MPHOSPH9: variants seen among roughly 807,000 people sequenced by gnomAD.
MPHOSPH9 encodes M-phase phosphoprotein 9.
Under a neutral mutation model 145.5 loss-of-function variants are expected in MPHOSPH9, and 88 were observed. That is an observed-to-expected ratio of 0.60 (90% CI 0.51 to 0.72). MPHOSPH9 has a LOEUF of 0.72. Among genes scored for constraint, MPHOSPH9 ranks in the 30% least tolerant of loss-of-function variants. MPHOSPH9 has a pLI of 0.00. For missense variants in MPHOSPH9, 1,238 were observed against 1,386.6 expected, an observed-to-expected ratio of 0.89 and a Z score of 1.70; for synonymous variants, 435 against 486.2, an observed-to-expected ratio of 0.89 and a Z score of 1.39.
chr12:123,179,716 T>TTA (rs545692758), intron 15 of MPHOSPH9, among the ~76,000 whole-genome samples: 1 of 128,784 alleles, frequency 7.8e-6, no homozygotes, highest in Non-Finnish European at 1.6e-5. Flanking sequence ...CCTGTCTCTT[T>TTA]AAAAAAAAAA....
At chr12:123,169,626 A>C (rs1336216225) in intron 16 of MPHOSPH9, among the ~76,000 whole-genome samples, 1 of 151,034 alleles carries the variant, frequency 6.6e-6, no homozygotes, top group Non-Finnish European at 1.5e-5. Context: ...CTTGAGATGG[A>C]GTTTTCCTCT....
Position 123,155,308 on chromosome 12 carries a change from G to C in MPHOSPH9, c.*1499C>G, listed in dbSNP as rs2043839308. 6.6e-6 allele frequency: 1 copy of C among 152,204 alleles called. No homozygotes were observed. The highest frequency in any genetic ancestry group is 1.5e-5 in the Non-Finnish European group (1 of 68,046). 9.4% of individuals were successfully genotyped at this position (152,204 alleles called of 1,614,324 possible). ...TAGCCTGAAGTCTTCAAAAGTTGCA[G>C]AGTAGGGAGCAAAGGTTCAACTGCA... is the stretch of plus-strand genomic sequence containing the variant. On this transcript the variant is annotated 3_prime_UTR_variant, in exon 24 of 24. Transcript: ENST00000606320.
At chr12:123,163,407 T>C (rs1431294477) in intron 19 of MPHOSPH9, 5 of 342,638 alleles carry the variant, frequency 1.5e-5, no homozygotes, top group Non-Finnish European at 2.6e-5. Context: ...GGAAATAAGA[T>C]GGAAACAGCA....
At chr12:123,194,239 A>G in intron 13 of MPHOSPH9, 147 bp downstream of exon 13, 2 of 579,862 alleles carry the variant, frequency 3.4e-6, no homozygotes, top group Non-Finnish European at 5.8e-6. Flanking sequence ...ACTGCACTCC[A>G]GCCTGGGTGT....
intron 1 of MPHOSPH9, 148 bp downstream of exon 1, chr12:123,232,927 G>C (rs2047729898): frequency 6.6e-6 from 1 of 152,372 alleles, no homozygotes; most frequent in Non-Finnish European, 1.5e-5. Flanking sequence ...ACACGCCGAA[G>C]GGCTCCGAGG....
At position 123,221,758 on chromosome 12, in the gene MPHOSPH9, T is replaced by C. The variant is rs1161165361; in HGVS notation, c.486A>G (p.Arg162=). ...QMGFFSLSSE[R]NESVIHYPES... ...CAGGATAATGGATAACAGATTCATT[T>C]CTCTCACTGCTTAGAGAAAAAAAAC... is the stretch of plus-strand genomic sequence containing the variant. Residue 162 remains arginine, a synonymous_variant, in exon 5 of 24, where the codon AGA becomes AGG. Transcript: ENST00000606320. The C allele has an allele frequency of 4.3e-6, 7 of 1,613,978 alleles. No homozygotes were observed. The African/African-American group carries it at 8.0e-5, about 18-fold the overall frequency.
At chr12:123,190,341 A>G (rs2045625268) in intron 13 of MPHOSPH9, among the ~76,000 whole-genome samples, 1 of 151,884 alleles carries the variant, frequency 6.6e-6, no homozygotes, top group African/African-American at 2.4e-5. Context: ...TTTAGTAGAG[A>G]CGGGGTTTCA....
intron 11 of MPHOSPH9, among the ~76,000 whole-genome samples, chr12:123,200,153 C>G (rs1049662107): frequency 1.1e-4 from 16 of 152,110 alleles, no homozygotes; most frequent in African/African-American, 3.1e-4. Context: ...ATTTGTAACA[C>G]CAGGGGGATT....
chr12:123,215,026 G>A (rs1190255953), intron 6 of MPHOSPH9, among the ~76,000 whole-genome samples, 192 bp from the exon 7 acceptor site: 8 of 152,138 alleles, frequency 5.3e-5, no homozygotes, highest in Non-Finnish European at 1.0e-4. Flanking sequence ...GGTGGATCAC[G>A]AGCTCAAAAG....
intron 13 of MPHOSPH9, among the ~76,000 whole-genome samples, chr12:123,190,690 A>T (rs573030419): frequency 3.9e-5 from 6 of 152,316 alleles, no homozygotes; most frequent in Admixed American, 2.0e-4. Flanking sequence ...ATAAAACATT[A>T]CTAAATATTG....
intron 13 of MPHOSPH9, among the ~76,000 whole-genome samples, chr12:123,193,071 CAAAAAAAAA>C (rs768866302): frequency 0.024 from 694 of 29,306 alleles, 7 homozygotes; most frequent in East Asian, 0.086. Flanking sequence ...GATTGTCTTT[CAAAAAAAAA>C]AAAAAAAAAA....
chr12:123,212,646 G>A (rs1288486991), intron 7 of MPHOSPH9, among the ~76,000 whole-genome samples: 1 of 141,954 alleles, frequency 7.0e-6, no homozygotes, highest in Non-Finnish European at 1.5e-5. Flanking sequence ...GGCAAGCGGA[G>A]GTTACAGTAA....
chr12:123,227,763 A>T, intron 2 of MPHOSPH9, 147 bp from the exon 3 acceptor site: 1 of 661,320 alleles, frequency 1.5e-6, no homozygotes, highest in Non-Finnish European at 2.2e-6. Context: ...TCTGATCACA[A>T]GTTGCTCCAC....
At chr12:123,203,226 T>G (rs2046295814) in intron 9 of MPHOSPH9, 24 bp downstream of exon 9, 25 of 1,610,498 alleles carry the variant, frequency 1.6e-5, no homozygotes, top group Non-Finnish European at 2.0e-5. Flanking sequence ...TCACGTTCAC[T>G]CGGCAGAATG....
intron 9 of MPHOSPH9, 32 bp from the exon 10 acceptor site, chr12:123,203,116 T>G: frequency 6.3e-7 from 1 of 1,595,576 alleles, no homozygotes; most frequent in Non-Finnish European, 8.5e-7. Context: ...AGTCTTACCC[T>G]CAGAACTCGG....
intron 20 of MPHOSPH9, 153 bp downstream of exon 20, chr12:123,162,861 T>C: frequency 8.7e-6 from 6 of 687,146 alleles, no homozygotes; most frequent in Admixed American, 4.1e-5. Context: ...TGCAGTACTT[T>C]AGTTGTAGTA....
intron 12 of MPHOSPH9, 103 bp from the exon 13 acceptor site, chr12:123,194,704 C>T: frequency 1.3e-6 from 1 of 760,422 alleles, no homozygotes; most frequent in Non-Finnish European, 2.0e-6. Flanking sequence ...CTACTGCAAC[C>T]TCTGCCTCCC....
At chr12:123,197,661 A>AG (rs1407092110) in intron 12 of MPHOSPH9, among the ~76,000 whole-genome samples, 2 of 151,978 alleles carry the variant, frequency 1.3e-5, no homozygotes, top group Non-Finnish European at 2.9e-5. Context: ...ATGCACCTGT[A>AG]GTCCCAGCTA....
intron 5 of MPHOSPH9, among the ~76,000 whole-genome samples, chr12:123,220,793 C>T (rs1240059368): frequency 6.6e-6 from 1 of 151,608 alleles, no homozygotes; most frequent in African/African-American, 2.4e-5. Context: ...AGGTGGCTCA[C>T]ACCTGTAATC....
Sources: allele counts gnomAD v4.1 joint callset (sites outside exome capture counted in the v4.1 genomes callset), GRCh38; gene constraint gnomAD v4.1.1; transcripts MANE v1.5; gene names NCBI Gene and HGNC (gene_info 2026-07-23, HGNC 2026-07-21).